NUP210: variants seen among roughly 807,000 people sequenced by gnomAD.
NUP210 encodes nucleoporin 210, also known as nuclear pore membrane glycoprotein 210.
NUP210 carries 151 observed loss-of-function variants against 196.0 expected under a neutral mutation model. The observed-to-expected ratio is 0.77, with a 90% CI of 0.67 to 0.88. NUP210 has a LOEUF of 0.88. Among genes scored for constraint, NUP210 ranks in the 40% least tolerant of loss-of-function variants. The pLI is 0.00. For missense variants in NUP210, 2,314 were observed against 2,493.7 expected (o/e 0.93, Z 1.53); for synonymous variants, 1,070 against 1,052.7 (o/e 1.02, Z -0.32).
intron 16 of NUP210, among the ~76,000 whole-genome samples, chr3:13,356,562 G>C (rs1204135470): frequency 1.3e-5 from 2 of 152,190 alleles, no homozygotes; most frequent in East Asian, 3.9e-4. Flanking sequence ...AGAATCACTT[G>C]AACCTGGGAG....
intron 5 of NUP210, among the ~76,000 whole-genome samples, chr3:13,387,379 G>A (rs1699310594): frequency 6.6e-6 from 1 of 152,232 alleles, no homozygotes; most frequent in Non-Finnish European, 1.5e-5. Context: ...CAGCAAGTCT[G>A]CCTTTCCAGC....
At chr3:13,398,756 C>T (rs2124945736) in intron 2 of NUP210, among the ~76,000 whole-genome samples, 1 of 152,048 alleles carries the variant, frequency 6.6e-6, no homozygotes, top group Admixed American at 6.5e-5. Context: ...GCCCAACTCG[C>T]CACAAAAAAT....
rs775075188 is a variant in NUP210 at position 13,373,801 on chromosome 3, C to A, written c.1504G>T (p.Val502Leu). The A allele has an allele frequency of 6.2e-7, 1 of 1,614,116 alleles. No homozygotes were observed. The highest frequency in any genetic ancestry group is 1.3e-5 in the African/African-American group (1 of 75,030). ...HLVATVTVKG[V>L]MTTGSDIGFS... is the part of the protein sequence containing the mutation. ...CCGATGTCACTGCCTGTGGTCATCA[C>A]GCCCTTGACAGTAACTGTGGCAACC... Residue 502 changes from valine to leucine, a missense_variant, in exon 12 of 40, where the codon GTG (valine) becomes TTG (leucine). Val to Leu is a conservative substitution (Grantham distance 32). Transcript: ENST00000254508.
Position 13,328,910 on chromosome 3 carries a change from G to A in NUP210, c.4147C>T (p.Pro1383Ser). 6.2e-7 allele frequency: 1 copy of A among 1,614,016 alleles called. No homozygotes were observed. Among genetic ancestry groups the A allele is most frequent in the Non-Finnish European group, 8.5e-7 (1 of 1,179,956 alleles). The change falls in exon 31 of 40, where the codon CCT (proline) becomes TCT (serine). Residue 1383 changes from proline to serine, a missense_variant. Coordinates refer to ENST00000254508, the MANE Select transcript of NUP210 (RefSeq NM_024923.4). ...PVSYLRVSMS[P>S]VLHTQNKEAL... is the part of the protein sequence containing the mutation. The stretch of plus-strand genomic sequence containing the variant: ...TCCTTGTTCTGGGTGTGCAGGACAG[G>A]GCTCATGGAAACCCTCAGGTAGGAA...
At chr3:13,322,542 C>T (rs934738551) in intron 34 of NUP210, among the ~76,000 whole-genome samples, 3 of 152,258 alleles carry the variant, frequency 2.0e-5, no homozygotes, top group East Asian at 1.9e-4. Context: ...AGGATGCCAT[C>T]GGCATCACAG....
At chr3:13,407,917 AAGG>A (rs1195368614) in intron 1 of NUP210, among the ~76,000 whole-genome samples, 3 of 152,180 alleles carry the variant, frequency 2.0e-5, no homozygotes, top group South Asian at 2.1e-4. Context: ...ACTTTAGTGG[AAGG>A]AGAACAAAAA....
intron 20 of NUP210, chr3:13,344,889 C>T: frequency 1.0e-6 from 1 of 978,352 alleles, no homozygotes; most frequent in Non-Finnish European, 1.2e-6. Context: ...CCTCCAGGCC[C>T]AGGTCCAGCG....
Position 13,323,228 on chromosome 3 carries a change from T to TA in NUP210, c.4768+80dup. 6.4e-7 allele frequency: 1 copy of TA among 1,572,384 alleles called. No homozygotes were observed. Among genetic ancestry groups the TA allele is most frequent in the Non-Finnish European group, 8.7e-7 (1 of 1,152,650 alleles). On this transcript the variant is annotated intron_variant, in intron 34 of 39. Coordinates refer to ENST00000254508, the MANE Select transcript of NUP210 (RefSeq NM_024923.4). This position sits in a 1 kb window ranked among gnomAD's most constrained non-coding sequence, Gnocchi z 4.3. ...TGTGAGTGTGAATAGGAGAAGCAGATAAACTCCATCCAGAGGACACAGGAA... is the reference window on the plus strand; with the variant it reads ...TGTGAGTGTGAATAGGAGAAGCAGATAAAACTCCATCCAGAGGACACAGGAA...
At chr3:13,354,386 G>T (rs447202) in intron 16 of NUP210, 1 of 458,974 alleles carries the variant, frequency 2.2e-6, no homozygotes, top group African/African-American at 2.0e-5. Flanking sequence ...CTGTCCCTAC[G>T]CATGAGTCAG....
At chr3:13,324,710 C>T (rs1385694235) in intron 33 of NUP210, among the ~76,000 whole-genome samples, 2 of 152,190 alleles carry the variant, frequency 1.3e-5, no homozygotes, top group Non-Finnish European at 2.9e-5. Context: ...ACTGCTCTCT[C>T]GAGCTCCTCC....
At chr3:13,328,164 C>G (rs1696852833) in intron 31 of NUP210, among the ~76,000 whole-genome samples, 1 of 152,246 alleles carries the variant, frequency 6.6e-6, no homozygotes, top group African/African-American at 2.4e-5. Context: ...TCCTCCAGGA[C>G]ATGCCCTAAA....
chr3:13,361,712 C>T (rs1698377411), intron 14 of NUP210, among the ~76,000 whole-genome samples: 1 of 152,186 alleles, frequency 6.6e-6, no homozygotes, highest in Admixed American at 6.5e-5. Flanking sequence ...GCCCATGTGT[C>T]CCTCACTAAG....
Position 13,328,806 on chromosome 3 carries a change from A to C in NUP210, c.4251T>G (p.His1417Gln), listed in dbSNP as rs1696880219. Residue 1417 changes from histidine (H) to glutamine (Q), a missense_variant, in exon 31 of 40, where the codon CAT becomes CAG. Physicochemically the swap from His to Gln is conservative, Grantham distance 24. Transcript: ENST00000254508. ...HFHDNSGDVF[H>Q]AHSSVLNFAT... ...CAAAGTTGAGGACCGAACTGTGAGC[A>C]TGGAAGACATCTCCAGAGTTGTCGT... 1 of 1,614,050 alleles carries C rather than the reference A, an allele frequency of 6.2e-7. No individual in the cohort carries two copies. Among genetic ancestry groups the C allele is most frequent in the Admixed American group, 1.7e-5 (1 of 60,006 alleles).
At position 13,360,463 on chromosome 3, in the gene NUP210, A is replaced by G. The variant is rs1244082631; in HGVS notation, c.1961T>C (p.Val654Ala). The stretch of plus-strand genomic sequence containing the variant: ...CATCTCCTTTGAGGAGCCCAGGGTT[A>G]CCAAGGCAACAGAGGAGGGATCCAC... ...KAVDPSSVAL[V>A]TLGSSKEMLF... Residue 654 changes from valine to alanine, a missense_variant, in exon 15 of 40, where the codon GTA becomes GCA. Physicochemically the swap from Val to Ala is moderately conservative, Grantham distance 64. Coordinates refer to ENST00000254508, the MANE Select transcript of NUP210 (RefSeq NM_024923.4). 6.2e-7 allele frequency: 1 copy of G among 1,612,292 alleles called. No individual in the cohort carries two copies. The highest frequency in any genetic ancestry group is 8.5e-7 in the Non-Finnish European group (1 of 1,179,250).
At chr3:13,319,382 T>C in intron 37 of NUP210, 57 bp from the exon 38 acceptor site, 3 of 1,392,512 alleles carry the variant, frequency 2.2e-6, no homozygotes, top group Non-Finnish European at 3.0e-6. Flanking sequence ...TGGCATCCCA[T>C]CACGTTCCTG....
At position 13,328,807 on chromosome 3, in the gene NUP210, T is replaced by C. The variant is rs1385889442; in HGVS notation, c.4250A>G (p.His1417Arg). 1.2e-6 allele frequency: 2 copies of C among 1,614,046 alleles called. No homozygotes were observed. The highest frequency in any genetic ancestry group is 1.6e-4 in the Middle Eastern group (1 of 6,084). Residue 1417 changes from histidine (H) to arginine (R), a missense_variant, in exon 31 of 40, where the codon CAT becomes CGT. By Grantham distance (29) the His-to-Arg change is conservative. Transcript: ENST00000254508. ...HFHDNSGDVFHAHSSVLNFAT... is the reference protein window; with the variant it reads ...HFHDNSGDVFRAHSSVLNFAT... ...AAAGTTGAGGACCGAACTGTGAGCA[T>C]GGAAGACATCTCCAGAGTTGTCGTG... is the stretch of plus-strand genomic sequence containing the variant.
In NUP210 at chr3:13,414,432, C is replaced by T. The variant is rs1700278226; in HGVS notation, c.167+5628G>A. 2.0e-5 allele frequency among the ~76,000 whole-genome samples: 3 copies of T among 152,214 alleles called. No homozygotes were observed. The South Asian group carries it at 6.2e-4, about 31-fold the overall frequency. Reference sequence around the variant, plus strand: ...GGAGTTGAGCAAGGCCCGGTCCAGCCCTGCAGGGGCCACAGCTACAGACAG... The same window carrying T: ...GGAGTTGAGCAAGGCCCGGTCCAGCTCTGCAGGGGCCACAGCTACAGACAG... On this transcript the variant is annotated intron_variant, in intron 1 of 39. Transcript: ENST00000254508.
intron 1 of NUP210, among the ~76,000 whole-genome samples, chr3:13,402,016 G>A (rs73132590): frequency 0.033 from 5,035 of 152,184 alleles, 110 homozygotes; most frequent in Middle Eastern, 0.075. Flanking sequence ...GCAACAAAGT[G>A]AGACGCCATC....
At chr3:13,365,813 G>T (rs1698510807) in intron 14 of NUP210, 133 bp downstream of exon 14, 4 of 966,494 alleles carry the variant, frequency 4.1e-6, no homozygotes, top group Non-Finnish European at 6.4e-6. Context: ...CAGAAATCAT[G>T]GGAGAGGAAG....
Sources: allele counts gnomAD v4.1 joint callset (sites outside exome capture counted in the v4.1 genomes callset), GRCh38; gene constraint gnomAD v4.1.1; non-coding constraint Gnocchi (gnomAD v3.1); transcripts MANE v1.5; gene names NCBI Gene and HGNC (gene_info 2026-07-23, HGNC 2026-07-21).